The following BRD7 variants were observed in gnomAD, a reference collection of about 807,000 sequenced individuals.
BRD7 encodes the protein bromodomain containing 7.
Under a neutral mutation model 82.1 loss-of-function variants are expected in BRD7, and 15 were observed. The ratio of observed to expected loss-of-function variants is 0.18; its 90% CI spans 0.12 to 0.28. The LOEUF (loss-of-function observed/expected upper bound fraction) is 0.28, where lower values mean the gene tolerates loss of function less well. BRD7 is among the 10% of genes least tolerant of loss of function. The pLI, the probability that BRD7 is intolerant of heterozygous loss-of-function variation, is 1.00. For missense variants in BRD7, 638 were observed against 779.9 expected (o/e 0.82, Z 2.17); for synonymous variants, 232 against 266.9 (o/e 0.87, Z 1.27).
intron 4 of BRD7, among the ~76,000 whole-genome samples, chr16:50,353,882 G>A (rs970667137): frequency 6.6e-6 from 1 of 151,944 alleles, no homozygotes; most frequent in African/African-American, 2.4e-5. Context: ...ACAGGCGTGA[G>A]CCACCACACC....
intron 5 of BRD7, among the ~76,000 whole-genome samples, chr16:50,345,386 T>A (rs561946069): frequency 0.016 from 2,395 of 152,160 alleles, 60 homozygotes; most frequent in African/African-American, 0.054. Context: ...CCAGCTAACA[T>A]CATAATGACA....
At chr16:50,333,403 C>A (rs2037654775) in intron 8 of BRD7, among the ~76,000 whole-genome samples, 171 bp downstream of exon 8, 1 of 152,152 alleles carries the variant, frequency 6.6e-6, no homozygotes, top group Admixed American at 6.5e-5. Flanking sequence ...CCCTGATAAA[C>A]CCATTGTAGG....
chr16:50,320,632 T>C (rs2151129964), intron 14 of BRD7, 31 bp downstream of exon 14: 1 of 1,526,374 alleles, frequency 6.6e-7, no homozygotes, highest in Middle Eastern at 1.8e-4. Flanking sequence ...CATCATGCAG[T>C]GTTTCAATCA....
chr16:50,320,804 T>A (rs778945743), intron 13 of BRD7, 30 bp from the exon 14 acceptor site: 2 of 1,484,726 alleles, frequency 1.3e-6, no homozygotes, highest in Non-Finnish European at 1.9e-6. Context: ...AGGCAATTAC[T>A]GGCGCTTGCT....
intron 6 of BRD7, 76 bp from the exon 7 acceptor site, chr16:50,334,971 A>C: frequency 7.3e-7 from 1 of 1,369,968 alleles, no homozygotes; most frequent in Non-Finnish European, 1.0e-6. Context: ...TCCCCACAGG[A>C]GTTTATACTT....
chr16:50,358,842 T>C (rs573186175), intron 2 of BRD7, among the ~76,000 whole-genome samples: 1 of 152,186 alleles, frequency 6.6e-6, no homozygotes, highest in South Asian at 2.1e-4. Flanking sequence ...CTAAACTGAA[T>C]AGAGATATCA....
At chr16:50,341,066 G>C (rs1038587246) in intron 5 of BRD7, among the ~76,000 whole-genome samples, 1 of 151,986 alleles carries the variant, frequency 6.6e-6, no homozygotes, top group African/African-American at 2.4e-5. Context: ...AATAAATTTG[G>C]TATTAAAGTG....
At chr16:50,368,667 A>T in intron 1 of BRD7, 59 bp downstream of exon 1, 1 of 1,486,480 alleles carries the variant, frequency 6.7e-7, no homozygotes, top group Non-Finnish European at 9.0e-7. Context: ...ACTGGGAAAG[A>T]GCGGAAGCCC....
In BRD7 at chr16:50,360,661, T is replaced by C. The variant is rs573542126; in HGVS notation, c.259-5739A>G. ...TCATGTCTGATTCCTGGGTCCAACT[T>C]TGAGCTCCTGTAGGATTTTATTTAT... On this transcript the variant is annotated intron_variant, in intron 2 of 16. Coordinates refer to ENST00000394688, the MANE Select transcript of BRD7 (RefSeq NM_013263.5). Among the ~76,000 whole-genome samples, 7 of 152,328 alleles carry C rather than the reference T, an allele frequency of 4.6e-5. 1 individual carries two copies. The highest frequency in any genetic ancestry group is 1.3e-4 in the Admixed American group (2 of 15,308).
intron 5 of BRD7, among the ~76,000 whole-genome samples, chr16:50,348,139 T>A (rs2038365617): frequency 6.6e-6 from 1 of 152,100 alleles, no homozygotes; most frequent in Middle Eastern, 3.2e-3. Flanking sequence ...TTGACAAACC[T>A]GACAAAAACA....
At chr16:50,355,035 A>T in intron 2 of BRD7, 113 bp from the exon 3 acceptor site, 1 of 1,320,314 alleles carries the variant, frequency 7.6e-7, no homozygotes, top group Admixed American at 2.3e-5. Context: ...ATTCTTAATA[A>T]CAAGCTCAAT....
chr16:50,328,562 G>A, intron 9 of BRD7, 107 bp downstream of exon 9: 1 of 922,792 alleles, frequency 1.1e-6, no homozygotes, highest in Non-Finnish European at 1.7e-6. Context: ...TGTGCATAAT[G>A]ACACAGACTG....
intron 2 of BRD7, among the ~76,000 whole-genome samples, chr16:50,355,245 G>A (rs1377118252): frequency 6.6e-6 from 1 of 152,190 alleles, no homozygotes; most frequent in African/African-American, 2.4e-5. Context: ...GAAGGTCACA[G>A]AAGGCCTGAA....
chr16:50,356,062 T>A (rs758494117), intron 2 of BRD7, among the ~76,000 whole-genome samples: 6 of 152,218 alleles, frequency 3.9e-5, no homozygotes, highest in Non-Finnish European at 8.8e-5. Flanking sequence ...ACATGAGAAC[T>A]AGCTCAAGCT....
At chr16:50,350,803 G>A (rs1410108027) in intron 4 of BRD7, among the ~76,000 whole-genome samples, 1 of 152,154 alleles carries the variant, frequency 6.6e-6, no homozygotes. Context: ...AACACTGGCT[G>A]TACACTAGAA....
intron 4 of BRD7, 151 bp downstream of exon 4, chr16:50,354,274 C>T: frequency 4.8e-6 from 3 of 621,288 alleles, no homozygotes; most frequent in Non-Finnish European, 8.3e-6. Context: ...AAAAGTTAGC[C>T]TAGCCTCTTG....
chr16:50,361,442 G>C (rs137956726), intron 2 of BRD7, among the ~76,000 whole-genome samples: 54 of 152,224 alleles, frequency 3.5e-4, no homozygotes, highest in African/African-American at 1.2e-3. Context: ...AACTAAACCA[G>C]AAGTCGACCT....
chr16:50,343,750 G>C (rs1420155970), intron 5 of BRD7, among the ~76,000 whole-genome samples: 2 of 152,198 alleles, frequency 1.3e-5, no homozygotes, highest in Non-Finnish European at 2.9e-5. Flanking sequence ...AGTGAGGCTG[G>C]GGGAGGGGCG....
intron 5 of BRD7, among the ~76,000 whole-genome samples, chr16:50,348,469 C>A (rs970786963): frequency 1.3e-5 from 2 of 152,178 alleles, no homozygotes; most frequent in East Asian, 3.8e-4. Context: ...TCAGAGTGAA[C>A]AGGCAACCTA....
Sources: gnomAD v4.1 joint callset for allele counts (sites outside exome capture counted in the v4.1 genomes callset) on GRCh38, gnomAD v4.1.1 for gene constraint, MANE v1.5 for transcripts, NCBI Gene and HGNC (gene_info 2026-07-23, HGNC 2026-07-21) for gene names.